Variants in ADAMTSL3 observed in about 807,000 individuals in gnomAD.
The protein encoded by ADAMTSL3 is ADAMTS like 3, also known as ADAMTS-like protein 3.
A neutral mutation model predicts 201.7 loss-of-function variants in ADAMTSL3; 128 were observed. The ratio of observed to expected loss-of-function variants is 0.63; its 90% CI spans 0.55 to 0.73. The LOEUF (loss-of-function observed/expected upper bound fraction) is 0.73, where lower values mean the gene tolerates loss of function less well. ADAMTSL3 is among the 30% of genes least tolerant of loss of function. ADAMTSL3 has a pLI of 0.00. For synonymous variants in ADAMTSL3, 738 were observed against 748.4 expected (o/e 0.99, Z 0.23); for missense variants, 1,990 against 2,119.6 (o/e 0.94, Z 1.20).
At chr15:83,695,709 G>GA (rs1429345351) in intron 2 of ADAMTSL3, among the ~76,000 whole-genome samples, 2 of 151,868 alleles carry the variant, frequency 1.3e-5, no homozygotes, top group African/African-American at 2.4e-5. Flanking sequence ...TTTTATCTTG[G>GA]AAAAAAATGT....
intron 2 of ADAMTSL3, among the ~76,000 whole-genome samples, chr15:83,659,023 A>G (rs1362603509): frequency 2.6e-5 from 4 of 152,234 alleles, no homozygotes; most frequent in African/African-American, 9.6e-5. Flanking sequence ...CAACCATGTC[A>G]AGATGGCTTC....
At chr15:84,019,913 A>T (rs2141908379) in intron 25 of ADAMTSL3, among the ~76,000 whole-genome samples, 1 of 149,096 alleles carries the variant, frequency 6.7e-6, no homozygotes, top group East Asian at 2.0e-4. Flanking sequence ...AAAAAAAAAG[A>T]AACCAAATAC....
intron 19 of ADAMTSL3, among the ~76,000 whole-genome samples, chr15:83,956,678 G>GGC (rs1338041771): frequency 6.9e-6 from 1 of 143,978 alleles, no homozygotes; most frequent in African/African-American, 2.6e-5. Context: ...ACACCGCACA[G>GGC]GCACACACAC....
chr15:83,943,859 C>T (rs2066607842), intron 19 of ADAMTSL3, among the ~76,000 whole-genome samples: 1 of 152,194 alleles, frequency 6.6e-6, no homozygotes, highest in Non-Finnish European at 1.5e-5. Flanking sequence ...AGTCTGATTG[C>T]TTGCAAAATC....
intron 15 of ADAMTSL3, among the ~76,000 whole-genome samples, chr15:83,907,822 T>A (rs2141945065): frequency 6.6e-6 from 1 of 152,354 alleles, no homozygotes; most frequent in African/African-American, 2.4e-5. Flanking sequence ...CTGTTGTGAA[T>A]AGTGCTTTGA....
intron 8 of ADAMTSL3, among the ~76,000 whole-genome samples, chr15:83,860,938 G>A (rs1027136593): frequency 9.2e-5 from 14 of 152,130 alleles, no homozygotes; most frequent in African/African-American, 1.9e-4. Context: ...GGTGACAGAC[G>A]GCACCTGGAA....
At chr15:83,890,063 A>C in intron 10 of ADAMTSL3, 46 bp from the exon 11 acceptor site, 1 of 1,570,434 alleles carries the variant, frequency 6.4e-7, no homozygotes, top group Non-Finnish European at 8.6e-7. Flanking sequence ...GCCAAGTAAA[A>C]ATGAAACGGA....
chr15:83,689,659 A>G (rs553855951), intron 2 of ADAMTSL3, among the ~76,000 whole-genome samples: 1 of 152,156 alleles, frequency 6.6e-6, no homozygotes, highest in South Asian at 2.1e-4. Context: ...AAAATGTTAG[A>G]TTTATTTTGT....
intron 25 of ADAMTSL3, among the ~76,000 whole-genome samples, chr15:84,017,505 G>A (rs922264395): frequency 2.0e-5 from 3 of 152,156 alleles, no homozygotes; most frequent in Non-Finnish European, 4.4e-5. Flanking sequence ...ATCTTGAGAA[G>A]TGCCTCTCAT....
intron 25 of ADAMTSL3, among the ~76,000 whole-genome samples, chr15:84,019,040 A>C (rs1384814291): frequency 6.7e-6 from 1 of 149,916 alleles, no homozygotes; most frequent in Non-Finnish European, 1.5e-5. Context: ...AAGAACTCCC[A>C]CAAGTTATCA....
intron 19 of ADAMTSL3, among the ~76,000 whole-genome samples, chr15:83,969,625 T>G (rs965039091): frequency 6.6e-6 from 1 of 152,172 alleles, no homozygotes; most frequent in African/African-American, 2.4e-5. Flanking sequence ...ATAAGCCAGT[T>G]AGGGAAAAAC....
chr15:83,841,277 A>C (rs181043638), intron 7 of ADAMTSL3, among the ~76,000 whole-genome samples: 3 of 152,328 alleles, frequency 2.0e-5, no homozygotes, highest in Admixed American at 2.0e-4. Flanking sequence ...TGTCCTGCCT[A>C]TTTTACAGAT....
chr15:83,874,762 AGT>A (rs2065147730), intron 9 of ADAMTSL3, among the ~76,000 whole-genome samples: 1 of 143,220 alleles, frequency 7.0e-6, no homozygotes, highest in Non-Finnish European at 1.5e-5. Context: ...GGGGAAAGAT[AGT>A]GTGCTCACTG....
chr15:83,655,866 A>T (rs2061076563), intron 2 of ADAMTSL3, 36 bp downstream of exon 2: 1 of 1,594,306 alleles, frequency 6.3e-7, no homozygotes, highest in African/African-American at 1.3e-5. Context: ...GAAATGGTGG[A>T]CATCCCTCTG....
chr15:83,829,493 A>T (rs1226983593), intron 6 of ADAMTSL3, among the ~76,000 whole-genome samples: 1 of 151,930 alleles, frequency 6.6e-6, no homozygotes, highest in East Asian at 1.9e-4. Context: ...GGATTCTTTG[A>T]TTTTTTGAAG....
chr15:83,804,679 A>T lies in ADAMTSL3; in HGVS notation c.347A>T (p.Lys116Met). Residue 116 changes from lysine (K) to methionine (M), a missense_variant, in exon 5 of 30, where the codon AAG becomes ATG. Coordinates refer to ENST00000286744, the MANE Select transcript of ADAMTSL3 (RefSeq NM_207517.3). ...RNCEGQNIRYKTCSNHDCPPD... is the reference protein window; with the variant it reads ...RNCEGQNIRYMTCSNHDCPPD... ...TGTGAAGGGCAGAACATTCGGTACA[A>T]GACATGCAGCAATCATGTAAGTCAT... 6.3e-7 allele frequency: 1 copy of T among 1,584,658 alleles called. No individual in the cohort carries two copies.
chr15:83,687,660 G>A (rs1395606545), intron 2 of ADAMTSL3, among the ~76,000 whole-genome samples: 1 of 152,056 alleles, frequency 6.6e-6, no homozygotes, highest in Non-Finnish European at 1.5e-5. Flanking sequence ...ATACTGATAA[G>A]CTACATATGA....
At chr15:83,927,576 T>C (rs1312272737) in intron 17 of ADAMTSL3, among the ~76,000 whole-genome samples, 1 of 152,230 alleles carries the variant, frequency 6.6e-6, no homozygotes, top group Non-Finnish European at 1.5e-5. Context: ...TATTAATGGC[T>C]TCACATTCTT....
At chr15:83,786,707 A>G (rs959555743) in intron 4 of ADAMTSL3, among the ~76,000 whole-genome samples, 4 of 151,880 alleles carry the variant, frequency 2.6e-5, no homozygotes, top group Admixed American at 1.3e-4. Flanking sequence ...TTTTTTGTCT[A>G]TTTTTAGTGT....
Sources: allele counts gnomAD v4.1 joint callset (sites outside exome capture counted in the v4.1 genomes callset), GRCh38; gene constraint gnomAD v4.1.1; transcripts MANE v1.5; gene names NCBI Gene and HGNC (gene_info 2026-07-23, HGNC 2026-07-21).